The following PRKG1 variants were observed in gnomAD, a reference collection of about 807,000 sequenced individuals.
The protein encoded by PRKG1 is cGMP-dependent protein kinase 1.
Under a neutral mutation model 88.1 loss-of-function variants are expected in PRKG1, and 35 were observed. That is an observed-to-expected ratio of 0.40 (90% confidence interval 0.30 to 0.53). The LOEUF is 0.53. Ranked by LOEUF, PRKG1 falls within the 20% of genes least tolerant of loss-of-function variation. The pLI, the probability that PRKG1 is intolerant of heterozygous loss-of-function variation, is 0.59. For missense variants in PRKG1, 540 were observed against 839.8 expected (o/e 0.64, Z 4.41); for synonymous variants, 303 against 292.5 (o/e 1.04, Z -0.37).
At chr10:51,877,878 G>A (rs556225727) in intron 4 of PRKG1, among the ~76,000 whole-genome samples, 5 of 152,224 alleles carry the variant, frequency 3.3e-5, no homozygotes, top group Admixed American at 3.3e-4. Flanking sequence ...TTTTTTAAAT[G>A]AATGTGTCTC....
At chr10:51,803,688 T>A (rs1191169789) in intron 3 of PRKG1, among the ~76,000 whole-genome samples, 2 of 152,184 alleles carry the variant, frequency 1.3e-5, no homozygotes, top group African/African-American at 4.8e-5. Context: ...TTCCTCAGAC[T>A]ACATTCCCCA....
At chr10:51,799,447 C>T (rs959674896) in intron 3 of PRKG1, among the ~76,000 whole-genome samples, 2 of 152,080 alleles carry the variant, frequency 1.3e-5, no homozygotes, top group Admixed American at 6.6e-5. Context: ...CGAGACTCCT[C>T]ATTTTGGAAA....
chr10:51,726,846 C>T (rs1842143590), intron 3 of PRKG1, among the ~76,000 whole-genome samples: 2 of 152,074 alleles, frequency 1.3e-5, no homozygotes, highest in African/African-American at 2.4e-5. Flanking sequence ...GCACGATCTC[C>T]TCTCACTGCA....
chr10:52,141,365 ACTC>A (rs1837576766), intron 8 of PRKG1, among the ~76,000 whole-genome samples: 1 of 151,966 alleles, frequency 6.6e-6, no homozygotes, highest in Non-Finnish European at 1.5e-5. Context: ...AGTTGAGACA[ACTC>A]CTCATGTTTG....
At chr10:51,728,158 G>C (rs1842179563) in intron 3 of PRKG1, among the ~76,000 whole-genome samples, 1 of 152,034 alleles carries the variant, frequency 6.6e-6, no homozygotes, top group Non-Finnish European at 1.5e-5. Context: ...GCTATAGATT[G>C]CTATTCATAG....
At chr10:51,115,380 TATATAA>T (rs1432083282) in intron 1 of PRKG1, among the ~76,000 whole-genome samples, 8 of 81,168 alleles carry the variant, frequency 9.9e-5, no homozygotes, top group Non-Finnish European at 1.7e-4. Context: ...AACATATATA[TATATAA>T]AACAAATGTG....
intron 3 of PRKG1, among the ~76,000 whole-genome samples, chr10:51,604,805 C>T (rs1286075977): frequency 6.6e-6 from 1 of 152,188 alleles, no homozygotes; most frequent in African/African-American, 2.4e-5. Context: ...CCAGGACTCC[C>T]AAAGCCCAAG....
intron 1 of PRKG1, chr10:51,068,426 A>G (rs552922326): frequency 6.6e-6 from 1 of 152,138 alleles, no homozygotes; most frequent in East Asian, 1.9e-4. Flanking sequence ...ACTAATAAAA[A>G]TTCAATTCAC....
chr10:52,231,121 G>A (rs1187344627), intron 9 of PRKG1: 1 of 152,124 alleles, frequency 6.6e-6, no homozygotes, highest in Non-Finnish European at 1.5e-5. Flanking sequence ...ATTTTGGCTG[G>A]GTGTGGTGGC....
At chr10:51,312,006 G>A (rs1841199069) in intron 2 of PRKG1, among the ~76,000 whole-genome samples, 1 of 152,096 alleles carries the variant, frequency 6.6e-6, no homozygotes. Context: ...CTGGTAGCTG[G>A]GATTACAGGC....
chr10:51,643,977 C>T (rs1449305137), intron 3 of PRKG1, among the ~76,000 whole-genome samples: 1 of 151,900 alleles, frequency 6.6e-6, no homozygotes, highest in Admixed American at 6.6e-5. Context: ...TGAAACAAAT[C>T]CCAGATATAA....
At chr10:51,595,965 G>T (rs1838436736) in intron 3 of PRKG1, among the ~76,000 whole-genome samples, 1 of 151,910 alleles carries the variant, frequency 6.6e-6, no homozygotes, top group Non-Finnish European at 1.5e-5. Context: ...TGTGTAGCTG[G>T]GCTTACAGGC....
intron 3 of PRKG1, among the ~76,000 whole-genome samples, chr10:51,548,979 ACT>A (rs947724624): frequency 1.3e-5 from 2 of 152,092 alleles, no homozygotes; most frequent in South Asian, 4.2e-4. Context: ...TTTAAGAAGC[ACT>A]GTTTCACTCA....
intron 1 of PRKG1, among the ~76,000 whole-genome samples, chr10:51,144,726 C>G (rs944929819): frequency 3.3e-5 from 5 of 152,072 alleles, no homozygotes; most frequent in Admixed American, 3.3e-4. Context: ...TTACGCAAAA[C>G]AATGGTTGGA....
At chr10:51,789,717 A>G (rs1032125723) in intron 3 of PRKG1, among the ~76,000 whole-genome samples, 1 of 152,190 alleles carries the variant, frequency 6.6e-6, no homozygotes, top group Non-Finnish European at 1.5e-5. Context: ...CCAGGAACAG[A>G]AAAGACAAAG....
chr10:51,928,711 A>G (rs74483423), intron 5 of PRKG1, among the ~76,000 whole-genome samples: 23,818 of 152,158 alleles, frequency 0.16, 2,539 homozygotes, highest in African/African-American at 0.3. Flanking sequence ...TGATTTTGCA[A>G]TCAGCTAATA....
chr10:51,349,999 C>A (rs1011952985), intron 2 of PRKG1, among the ~76,000 whole-genome samples: 2 of 152,076 alleles, frequency 1.3e-5, no homozygotes, highest in Non-Finnish European at 2.9e-5. Flanking sequence ...AACATAAATA[C>A]CATGGAGTTA....
intron 7 of PRKG1, among the ~76,000 whole-genome samples, chr10:52,083,145 G>A (rs1304416415): frequency 6.6e-6 from 1 of 151,904 alleles, no homozygotes; most frequent in Non-Finnish European, 1.5e-5. Context: ...TGTTATATAT[G>A]TTTGAAAAAT....
intron 3 of PRKG1, among the ~76,000 whole-genome samples, chr10:51,588,365 A>T (rs1295689411): frequency 4.6e-5 from 1 of 21,570 alleles, no homozygotes; most frequent in East Asian, 0.033. Context: ...AAATTTAAAT[A>T]TAAAAAGGCC....
Sources: gnomAD v4.1 joint callset for allele counts (sites outside exome capture counted in the v4.1 genomes callset) on GRCh38, gnomAD v4.1.1 for gene constraint, MANE v1.5 for transcripts, NCBI Gene and HGNC (gene_info 2026-07-23, HGNC 2026-07-21) for gene names.